FAAH2: variants seen among roughly 807,000 people sequenced by gnomAD.
FAAH2 encodes fatty acid amide hydrolase 2.
In FAAH2, 60 loss-of-function variants were observed where a neutral mutation model predicts 36.9. That is an observed-to-expected ratio of 1.63 (90% CI 1.32 to 2.02). The LOEUF is 2.02. FAAH2 is among the 30% of genes most tolerant of loss of function. FAAH2 has a pLI of 0.00. For synonymous variants in FAAH2, 214 were observed against 143.8 expected (o/e 1.49, Z -3.49); for missense variants, 689 against 397.5 (o/e 1.73, Z -6.23).
the FAAH2 span, among the ~76,000 whole-genome samples, chrX:57,159,179 G>T: frequency 9.0e-6 from 1 of 111,584 alleles, no homozygotes; most frequent in South Asian, 3.7e-4. Context: ...TGAGGGCTCT[G>T]TTCTGTTCCA....
intron 3 of FAAH2, among the ~76,000 whole-genome samples, chrX:57,323,431 C>A (rs1602270901): frequency 8.9e-6 from 1 of 111,739 alleles, no homozygotes; most frequent in East Asian, 2.8e-4. Flanking sequence ...AAAGGTTGAA[C>A]TAGTTTACAG....
chrX:57,475,066 T>G (rs1267490987), intron 10 of FAAH2, among the ~76,000 whole-genome samples: 1 of 112,300 alleles, frequency 8.9e-6, no homozygotes, highest in African/African-American at 3.2e-5. Flanking sequence ...TCTTGAAAAT[T>G]TAAATTCCCT....
At position 57,488,889 on chromosome X, in the gene FAAH2, T is replaced by A; in HGVS notation, c.1556T>A (p.Leu519Ter). ...DHLTLAVAQY[L>*]EKTFGGWVCP... Reference sequence around the variant, plus strand: ...CTGACCCTGGCTGTGGCCCAGTACTTGGAGAAAACTTTTGGGGGCTGGGTC... The same window carrying A: ...CTGACCCTGGCTGTGGCCCAGTACTAGGAGAAAACTTTTGGGGGCTGGGTC... Residue 519 changes from leucine (L) to a stop codon, truncating the protein, a stop_gained, in exon 11 of 11, where the codon TTG (leucine) becomes TAG (stop). Transcript: ENST00000374900. LOFTEE classifies it high-confidence loss of function. 8.3e-7 allele frequency: 1 copy of A among 1,210,703 alleles called. No homozygotes were observed. Among genetic ancestry groups the A allele is most frequent in the Non-Finnish European group, 1.1e-6 (1 of 895,260 alleles).
chrX:57,197,493 G>A, the FAAH2 span, among the ~76,000 whole-genome samples: 2 of 110,925 alleles, frequency 1.8e-5, no homozygotes, highest in Non-Finnish European at 3.8e-5. Context: ...TCTCATTTGG[G>A]TAGAGTATGT....
Position 57,380,914 on chromosome X carries a change from TA to T in FAAH2, c.885del (p.Lys295AsnfsTer2), listed in dbSNP as rs765066368. 1.0e-5 allele frequency: 12 copies of T among 1,161,043 alleles called. No homozygotes were observed. Among genetic ancestry groups the T allele is most frequent in the Non-Finnish European group, 1.4e-5 (12 of 859,576 alleles). ...AGTTTCTTTTTAATCCTACACAGGT[TA>T]AAACTAGACACAAAGGTACATTTAA... is the stretch of plus-strand genomic sequence containing the variant. Reference protein sequence around the residue: ...KVMAGPGIKRLKLDTKVHLKD... With the variant: ...KVMAGPGIKRXKLDTKVHLKD... On this transcript the variant is annotated frameshift_variant, in exon 7 of 11. Transcript: ENST00000374900. LOFTEE classifies it high-confidence loss of function.
the FAAH2 span, among the ~76,000 whole-genome samples, chrX:57,149,742 T>C: frequency 1.8e-5 from 2 of 111,786 alleles, no homozygotes; most frequent in Non-Finnish European, 3.8e-5. Context: ...AAGGGATTTT[T>C]TTTTGTCTCT....
chrX:57,158,354 G>A, the FAAH2 span, among the ~76,000 whole-genome samples: 1 of 112,153 alleles, frequency 8.9e-6, no homozygotes, highest in Admixed American at 9.4e-5. Context: ...AATCCTTTGG[G>A]TATATACCCA....
chrX:57,460,534 T>C (rs999344897), intron 10 of FAAH2, among the ~76,000 whole-genome samples: 1 of 111,889 alleles, frequency 8.9e-6, no homozygotes, highest in East Asian at 2.8e-4. Flanking sequence ...ACTCAGAATT[T>C]CTTATCCAGC....
intron 10 of FAAH2, among the ~76,000 whole-genome samples, chrX:57,458,798 C>G (rs1314646043): frequency 8.9e-6 from 1 of 112,254 alleles, no homozygotes. Flanking sequence ...ATTTACTATG[C>G]TTTCCCCACA....
At chrX:57,250,932 AAAG>A in the FAAH2 span, among the ~76,000 whole-genome samples, 5 of 111,892 alleles carry the variant, frequency 4.5e-5, no homozygotes, top group South Asian at 3.7e-4. Context: ...CCAAACATCT[AAAG>A]AAGAATTAAA....
rs377492654 is a variant in FAAH2 at position 57,446,928 on chromosome X, G to T, written c.1117G>T (p.Glu373Ter). The T allele has an allele frequency of 1.7e-5, 21 of 1,200,278 alleles. No individual in the cohort carries two copies. Among genetic ancestry groups the T allele is most frequent in the Non-Finnish European group, 2.1e-5 (19 of 888,333 alleles). Reference protein sequence around the residue: ...MMSAKGHDGKEPVKFVDLLGD... With the variant: ...MMSAKGHDGK ...TTTTATTTCTTTCCTTCAATCTCAG[G>T]AACCTGTGAAATTTGTAGATTTGCT... Residue 373 changes from glutamate (E) to a stop codon, truncating the protein, a stop_gained and splice_region_variant, in exon 9 of 11, where the codon GAA becomes TAA. Coordinates refer to ENST00000374900, the MANE Select transcript of FAAH2 (RefSeq NM_174912.4). LOFTEE classifies it high-confidence loss of function.
intron 7 of FAAH2, among the ~76,000 whole-genome samples, chrX:57,390,402 G>C (rs1368864849): frequency 9.0e-6 from 1 of 111,180 alleles, no homozygotes; most frequent in African/African-American, 3.3e-5. Context: ...ATTGTGTAAT[G>C]GTGAAGTTTG....
chrX:57,306,800 T>A (rs2052540980), intron 2 of FAAH2, among the ~76,000 whole-genome samples: 1 of 94,764 alleles, frequency 1.1e-5, no homozygotes, highest in Non-Finnish European at 2.1e-5. Context: ...ATATATACAC[T>A]TTATATACAC....
chrX:57,421,657 C>G (rs1004781416), intron 7 of FAAH2, among the ~76,000 whole-genome samples: 7 of 111,273 alleles, frequency 6.3e-5, no homozygotes, highest in African/African-American at 2.3e-4. Flanking sequence ...AAGATTATCT[C>G]TAGATACAGT....
chrX:57,143,775 G>A, the FAAH2 span, among the ~76,000 whole-genome samples: 1 of 111,616 alleles, frequency 9.0e-6, no homozygotes, highest in African/African-American at 3.3e-5. Context: ...ACCATGCCTA[G>A]CCTGTTATTA....
intron 7 of FAAH2, among the ~76,000 whole-genome samples, chrX:57,398,940 C>T (rs1334796020): frequency 9.0e-6 from 1 of 111,177 alleles, no homozygotes; most frequent in Non-Finnish European, 1.9e-5. Context: ...GGCTGATGAT[C>T]GCTCTAATTG....
At chrX:57,197,052 G>A in the FAAH2 span, among the ~76,000 whole-genome samples, 9 of 111,284 alleles carry the variant, frequency 8.1e-5, no homozygotes, top group Non-Finnish European at 1.5e-4. Context: ...AAGCTTCCTG[G>A]ATGTTTTTTT....
upstream of FAAH2, among the ~76,000 whole-genome samples, chrX:57,283,030 G>T (rs1404729301): frequency 8.9e-6 from 1 of 112,127 alleles, no homozygotes; most frequent in Non-Finnish European, 1.9e-5. Context: ...AATTCAGAGC[G>T]GATATCAACT....
intron 7 of FAAH2, among the ~76,000 whole-genome samples, chrX:57,396,783 G>A (rs937387383): frequency 9.0e-6 from 1 of 111,664 alleles, no homozygotes; most frequent in African/African-American, 3.3e-5. Context: ...TGTTCTATAT[G>A]CAGATAAGAA....
Sources: allele counts gnomAD v4.1 joint callset (sites outside exome capture counted in the v4.1 genomes callset), GRCh38; gene constraint gnomAD v4.1.1; transcripts MANE v1.5; gene names NCBI Gene and HGNC (gene_info 2026-07-23, HGNC 2026-07-21).